Variants in PATL2 observed in about 807,000 individuals in gnomAD.
PATL2 encodes PAT1 homolog 2.
A neutral mutation model predicts 77.0 loss-of-function variants in PATL2; 73 were observed. That is an observed-to-expected ratio of 0.95 (90% CI 0.78 to 1.15). The LOEUF (loss-of-function observed/expected upper bound fraction) is 1.15, where lower values mean the gene tolerates loss of function less well. Among genes scored for constraint, PATL2 ranks in the 50% most tolerant of loss-of-function variants. The pLI is 0.00. For synonymous variants in PATL2, 265 were observed against 257.1 expected (o/e 1.03, Z -0.29); for missense variants, 618 against 655.4 (o/e 0.94, Z 0.62).
At chr15:44,666,186 A>G (rs904738710) in intron 17 of PATL2, among the ~76,000 whole-genome samples, 1 of 152,226 alleles carries the variant, frequency 6.6e-6, no homozygotes, top group Non-Finnish European at 1.5e-5. Context: ...GGTTAGCACT[A>G]TAAATGACCA....
chr15:44,689,861 A>G (rs181966745), intron 3 of PATL2, among the ~76,000 whole-genome samples: 1 of 152,322 alleles, frequency 6.6e-6, no homozygotes, highest in African/African-American at 2.4e-5. Context: ...AAAGTATAAT[A>G]ATAAGAAGAA....
At chr15:44,667,225 T>G in intron 15 of PATL2, 22 bp from the exon 16 acceptor site, 1 of 1,525,384 alleles carries the variant, frequency 6.6e-7, no homozygotes, top group African/African-American at 1.4e-5. Flanking sequence ...ATATATATAT[T>G]CCAGAGCAAA....
At position 44,669,013 on chromosome 15, in the gene PATL2, C is replaced by G. The variant is rs775365912; in HGVS notation, c.1191G>C (p.Leu397=). The G allele has an allele frequency of 5.2e-6, 8 of 1,550,276 alleles. No homozygotes were observed. In the South Asian group the frequency reaches 9.5e-5, roughly 18 times the overall value. Residue 397 remains leucine, a synonymous_variant, in exon 14 of 18, where the codon CTG becomes CTC. Coordinates refer to ENST00000682850, the MANE Select transcript of PATL2 (RefSeq NM_001387263.1). ...VTILLAITHH[L]PLLVRRDVAD... is the part of the protein sequence containing the mutation. ...CCACATCCCTCCGGACCAGGAGGGGCAGATGGTGGGTGATAGCCAAAAGAA... is the reference window on the plus strand; with the variant it reads ...CCACATCCCTCCGGACCAGGAGGGGGAGATGGTGGGTGATAGCCAAAAGAA...
At chr15:44,690,650 A>G (rs2086370169) in intron 3 of PATL2, among the ~76,000 whole-genome samples, 1 of 152,048 alleles carries the variant, frequency 6.6e-6, no homozygotes, top group Non-Finnish European at 1.5e-5. Context: ...TTATCTGGTA[A>G]TCTTAAATTT....
At chr15:44,695,293 A>T (rs1183283225) in intron 3 of PATL2, among the ~76,000 whole-genome samples, 1 of 152,198 alleles carries the variant, frequency 6.6e-6, no homozygotes, top group Non-Finnish European at 1.5e-5. Flanking sequence ...AGCAGCCCCA[A>T]ATTATTTTCC....
At chr15:44,666,203 C>A (rs1189353530) in intron 17 of PATL2, among the ~76,000 whole-genome samples, 189 bp downstream of exon 17, 2 of 151,988 alleles carry the variant, frequency 1.3e-5, no homozygotes, top group Admixed American at 1.3e-4. Flanking sequence ...ACCAAAGCAC[C>A]TGGAATAAAA....
At chr15:44,685,336 C>T (rs1368159520) in intron 3 of PATL2, among the ~76,000 whole-genome samples, 5 of 152,204 alleles carry the variant, frequency 3.3e-5, no homozygotes, top group African/African-American at 7.2e-5. Context: ...CTGCCAGGCA[C>T]GGTGGCTCAC....
chr15:44,707,737 G>A (rs2086770188), intron 3 of PATL2, among the ~76,000 whole-genome samples: 1 of 152,218 alleles, frequency 6.6e-6, no homozygotes, highest in Non-Finnish European at 1.5e-5. Flanking sequence ...ATCCCAGCTA[G>A]TGTCTCACTA....
chr15:44,680,075 G>A (rs1179340722), intron 3 of PATL2, among the ~76,000 whole-genome samples: 1 of 152,180 alleles, frequency 6.6e-6, no homozygotes, highest in African/African-American at 2.4e-5. Context: ...TTGCCCCTGA[G>A]GTCTGGGGGT....
intron 9 of PATL2, 107 bp from the exon 10 acceptor site, chr15:44,670,194 T>C (rs2085602581): frequency 7.0e-7 from 1 of 1,428,172 alleles, no homozygotes; most frequent in South Asian, 1.4e-5. Context: ...AGTTTTTTTG[T>C]GTGTGTTATA....
intron 3 of PATL2, among the ~76,000 whole-genome samples, chr15:44,708,612 T>A (rs1212375824): frequency 6.6e-6 from 1 of 152,250 alleles, no homozygotes; most frequent in Non-Finnish European, 1.5e-5. Flanking sequence ...GATTATTTCA[T>A]CCATGTTACA....
intron 3 of PATL2, among the ~76,000 whole-genome samples, chr15:44,689,563 G>A (rs1011589235): frequency 1.4e-4 from 21 of 152,192 alleles, no homozygotes; most frequent in Admixed American, 9.2e-4. Context: ...CCTTTGCAGG[G>A]ACATGGATGA....
intron 3 of PATL2, among the ~76,000 whole-genome samples, chr15:44,684,551 A>C (rs2086209947): frequency 6.6e-6 from 1 of 152,012 alleles, no homozygotes; most frequent in African/African-American, 2.4e-5. Flanking sequence ...TAGAAAAAAA[A>C]AATGAAAAGT....
At chr15:44,691,919 C>T (rs1033120751) in intron 3 of PATL2, among the ~76,000 whole-genome samples, 13 of 151,774 alleles carry the variant, frequency 8.6e-5, no homozygotes, top group African/African-American at 2.9e-4. Context: ...GGAGGATAAC[C>T]TGGTACAAAG....
chr15:44,695,031 C>A (rs971941988), intron 3 of PATL2, among the ~76,000 whole-genome samples: 1 of 151,848 alleles, frequency 6.6e-6, no homozygotes, highest in Non-Finnish European at 1.5e-5. Flanking sequence ...ACTAAAAATA[C>A]AAAAAAATTA....
rs775365912 is a variant in PATL2 at position 44,669,013 on chromosome 15, C to A, written c.1191G>T (p.Leu397=). ...CCACATCCCTCCGGACCAGGAGGGG[C>A]AGATGGTGGGTGATAGCCAAAAGAA... ...VTILLAITHH[L]PLLVRRDVAD... is the part of the protein sequence containing the mutation. Residue 397 remains leucine, a synonymous_variant, in exon 14 of 18, where the codon CTG becomes CTT. Coordinates refer to ENST00000682850, the MANE Select transcript of PATL2 (RefSeq NM_001387263.1). 1.5e-5 allele frequency: 24 copies of A among 1,550,156 alleles called. No homozygotes were observed. The highest frequency in any genetic ancestry group is 4.9e-5 in the East Asian group (2 of 40,912).
At chr15:44,706,490 CAACTT>C (rs1415951635) in intron 3 of PATL2, among the ~76,000 whole-genome samples, 2 of 152,230 alleles carry the variant, frequency 1.3e-5, no homozygotes, top group African/African-American at 2.4e-5. Flanking sequence ...AAACTGCTGA[CAACTT>C]AACACTGATT....
intron 9 of PATL2, among the ~76,000 whole-genome samples, chr15:44,671,610 C>T (rs181791403): frequency 2.6e-5 from 4 of 152,254 alleles, no homozygotes; most frequent in Admixed American, 2.0e-4. Context: ...TATCTGCTGT[C>T]GTTCTTTCAA....
chr15:44,672,543 T>C, intron 7 of PATL2, 87 bp from the exon 8 acceptor site: 1 of 1,312,576 alleles, frequency 7.6e-7, no homozygotes, highest in East Asian at 2.5e-5. Flanking sequence ...TCAGCTCTGA[T>C]GGACATCTAA....
Sources: gnomAD v4.1 joint callset for allele counts (sites outside exome capture counted in the v4.1 genomes callset) on GRCh38, gnomAD v4.1.1 for gene constraint, MANE v1.5 for transcripts, NCBI Gene and HGNC (gene_info 2026-07-23, HGNC 2026-07-21) for gene names.